MPHOSPH6: variants seen among roughly 807,000 people sequenced by gnomAD.
MPHOSPH6 encodes the protein M-phase phosphoprotein 6.
MPHOSPH6 carries 25 observed loss-of-function variants against 21.8 expected under a neutral mutation model. The observed-to-expected ratio is 1.15, with a 90% CI of 0.83 to 1.60. The LOEUF (loss-of-function observed/expected upper bound fraction) is 1.60, where lower values mean the gene tolerates loss of function less well. Ranked by LOEUF, MPHOSPH6 falls within the 40% of genes most tolerant of loss-of-function variation. The pLI is 0.00. For synonymous variants in MPHOSPH6, 84 were observed against 56.5 expected (o/e 1.49, Z -2.18); for missense variants, 269 against 181.8 (o/e 1.48, Z -2.76).
chr16:82,160,498 C>T (rs188057837), intron 2 of MPHOSPH6, among the ~76,000 whole-genome samples: 15 of 152,278 alleles, frequency 9.9e-5, no homozygotes, highest in Admixed American at 5.9e-4. Flanking sequence ...ATCTGCATAG[C>T]GAGCAGCCTT....
intron 3 of MPHOSPH6, among the ~76,000 whole-genome samples, chr16:82,150,771 G>C (rs1044165306): frequency 6.6e-6 from 1 of 152,224 alleles, no homozygotes; most frequent in African/African-American, 2.4e-5. Context: ...CCAAGGGCAA[G>C]AAACACTGGC....
chr16:82,169,227 T>A (rs8054798), intron 1 of MPHOSPH6, among the ~76,000 whole-genome samples: 2,246 of 152,368 alleles, frequency 0.015, 59 homozygotes, highest in African/African-American at 0.051. Context: ...GTTGTGACCA[T>A]TGCCTACTCT....
At position 82,148,544 on chromosome 16, in the gene MPHOSPH6, C is replaced by G. The variant is rs1364607738; in HGVS notation, c.*187G>C. 4.5e-6 allele frequency: 3 copies of G among 663,024 alleles called. No homozygotes were observed. The highest frequency in any genetic ancestry group is 6.8e-6 in the Non-Finnish European group (3 of 439,070). 41.1% of individuals were successfully genotyped at this position (663,024 alleles called of 1,614,324 possible). ...GCTAAAAATCCACTCTGAATGAATA[C>G]CAAGAAGCAAAGGATGTACAACATC... On this transcript the variant is annotated 3_prime_UTR_variant, in exon 5 of 5. Transcript: ENST00000258169.
chr16:82,168,838 T>C (rs1906876584), intron 1 of MPHOSPH6, among the ~76,000 whole-genome samples: 3 of 152,204 alleles, frequency 2.0e-5, no homozygotes, highest in African/African-American at 7.2e-5. Context: ...AAACATGACA[T>C]GTAACAGTTT....
chr16:82,158,498 CAAAAAAAAAAAAAA>C (rs3037959), intron 2 of MPHOSPH6, among the ~76,000 whole-genome samples: 1 of 81,504 alleles, frequency 1.2e-5, no homozygotes, highest in African/African-American at 4.6e-5. Flanking sequence ...GACTCCGTCT[CAAAAAAAAAAAAAA>C]AAAAAAAAAA....
At chr16:82,148,984 A>T in intron 4 of MPHOSPH6, 121 bp from the exon 5 acceptor site, 1 of 1,267,162 alleles carries the variant, frequency 7.9e-7, no homozygotes, top group African/African-American at 1.5e-5. Flanking sequence ...ACTATCATTA[A>T]AAGAAACCAT....
chr16:82,164,111 G>A lies in MPHOSPH6; in HGVS notation c.135C>T (p.Tyr45=), dbSNP rs781123277. The A allele has an allele frequency of 6.2e-7, 1 of 1,612,682 alleles. No individual in the cohort carries two copies. The highest frequency in any genetic ancestry group is 8.5e-7 in the Non-Finnish European group (1 of 1,179,522). ...EKKIISEEHW[Y]LDLPELKEKE... is the part of the protein sequence containing the mutation. ...TCTCTTTAAGCTCTGGCAAATCCAA[G>A]TACCAGTGCTCTTCACTAATGATTT... The change falls in exon 2 of 5, where the codon TAC becomes TAT. Residue 45 remains tyrosine (Y), a synonymous_variant. Transcript: ENST00000258169.
intron 3 of MPHOSPH6, among the ~76,000 whole-genome samples, chr16:82,150,315 C>G (rs541972707): frequency 4.5e-4 from 68 of 152,178 alleles, no homozygotes; most frequent in Non-Finnish European, 8.1e-4. Context: ...CTTCATAATC[C>G]CTGCCTTTTT....
intron 1 of MPHOSPH6, among the ~76,000 whole-genome samples, chr16:82,167,344 C>T (rs1329176477): frequency 6.6e-6 from 1 of 152,124 alleles, no homozygotes; most frequent in African/African-American, 2.4e-5. Flanking sequence ...AATCCTCAAC[C>T]CTCTTATACT....
intron 1 of MPHOSPH6, among the ~76,000 whole-genome samples, chr16:82,166,294 C>A (rs985243347): frequency 2.3e-4 from 35 of 152,240 alleles, no homozygotes; most frequent in African/African-American, 7.2e-4. Context: ...CCTGTGTGTA[C>A]ATCCTCATCC....
chr16:82,166,652 A>C (rs1333903601), intron 1 of MPHOSPH6, among the ~76,000 whole-genome samples: 11 of 134,028 alleles, frequency 8.2e-5, no homozygotes. Flanking sequence ...GAGCTCACTC[A>C]GTGAAAGTTC....
intron 1 of MPHOSPH6, among the ~76,000 whole-genome samples, chr16:82,167,903 T>C (rs569492799): frequency 6.6e-6 from 1 of 152,310 alleles, no homozygotes; most frequent in East Asian, 1.9e-4. Context: ...ACCCATGCTA[T>C]ATAGGACTTA....
At chr16:82,150,363 T>C (rs1305828517) in intron 3 of MPHOSPH6, among the ~76,000 whole-genome samples, 2 of 152,138 alleles carry the variant, frequency 1.3e-5, no homozygotes, top group African/African-American at 2.4e-5. Flanking sequence ...CCTCTCCTTC[T>C]CAATCTGAAG....
chr16:82,168,265 TCCA>T (rs1002745767), intron 1 of MPHOSPH6, among the ~76,000 whole-genome samples: 21 of 152,158 alleles, frequency 1.4e-4, no homozygotes, highest in Admixed American at 4.6e-4. Context: ...GCCAATTCAC[TCCA>T]CTTCTCTGAA....
intron 1 of MPHOSPH6, chr16:82,167,645 G>C (rs192751934): frequency 1.3e-5 from 2 of 156,118 alleles, no homozygotes; most frequent in Non-Finnish European, 2.8e-5. Flanking sequence ...TTAGATTCTC[G>C]TAAGTAGAGC....
chr16:82,149,893 C>T (rs1272254793), intron 3 of MPHOSPH6, among the ~76,000 whole-genome samples: 1 of 116,956 alleles, frequency 8.6e-6, no homozygotes, highest in Non-Finnish European at 1.9e-5. Context: ...GGAATCTGCA[C>T]CTCAGCCTTA....
At chr16:82,161,839 C>T (rs769971613) in intron 2 of MPHOSPH6, among the ~76,000 whole-genome samples, 1 of 152,152 alleles carries the variant, frequency 6.6e-6, no homozygotes, top group Admixed American at 6.5e-5. Flanking sequence ...TAAAAGTGTC[C>T]CCTGTGAGGC....
rs375097575 is a variant in MPHOSPH6, at chr16:82,164,112, T to C, written c.134A>G (p.Tyr45Cys). Residue 45 changes from tyrosine to cysteine, a missense_variant, in exon 2 of 5, where the codon TAC becomes TGC. Tyr to Cys is a radical substitution (Grantham distance 194). Transcript: ENST00000258169. ...EKKIISEEHWYLDLPELKEKE... is the reference protein window; with the variant it reads ...EKKIISEEHWCLDLPELKEKE... ...CTCTTTAAGCTCTGGCAAATCCAAG[T>C]ACCAGTGCTCTTCACTAATGATTTT... 16 of 1,613,006 alleles carry C rather than the reference T, an allele frequency of 9.9e-6. No individual in the cohort carries two copies. The African/African-American group carries it at 1.5e-4, about 15-fold the overall frequency.
At chr16:82,159,892 G>A (rs1248199137) in intron 2 of MPHOSPH6, among the ~76,000 whole-genome samples, 1 of 152,118 alleles carries the variant, frequency 6.6e-6, no homozygotes, top group East Asian at 1.9e-4. Flanking sequence ...CTTTTTCTAT[G>A]AACTTGGGAT....
Sources: gnomAD v4.1 joint callset for allele counts (sites outside exome capture counted in the v4.1 genomes callset) on GRCh38, gnomAD v4.1.1 for gene constraint, MANE v1.5 for transcripts, NCBI Gene and HGNC (gene_info 2026-07-23, HGNC 2026-07-21) for gene names.